Variants in CDH4 observed in about 807,000 individuals in gnomAD.
The protein encoded by CDH4 is cadherin-4.
CDH4 carries 33 observed loss-of-function variants against 86.0 expected under a neutral mutation model. The observed-to-expected ratio is 0.38, with a 90% CI of 0.29 to 0.51. The LOEUF (loss-of-function observed/expected upper bound fraction) is 0.51, where lower values mean the gene tolerates loss of function less well. Among genes scored for constraint, CDH4 ranks in the 20% least tolerant of loss-of-function variants. The pLI, the probability that CDH4 is intolerant of heterozygous loss-of-function variation, is 0.86. For missense variants in CDH4, 1,114 were observed against 1,307.4 expected, an observed-to-expected ratio of 0.85 and a Z score of 2.28; for synonymous variants, 555 against 549.4, an observed-to-expected ratio of 1.01 and a Z score of -0.14.
At chr20:61,861,729 C>T (rs1367300497) in intron 6 of CDH4, among the ~76,000 whole-genome samples, 7 of 152,156 alleles carry the variant, frequency 4.6e-5, no homozygotes, top group Non-Finnish European at 8.8e-5. Flanking sequence ...GTGGCTGCGG[C>T]GCCCCCAAGC....
chr20:61,654,307 C>T (rs1250614179), intron 2 of CDH4, among the ~76,000 whole-genome samples: 1 of 152,178 alleles, frequency 6.6e-6, no homozygotes, highest in Non-Finnish European at 1.5e-5. Flanking sequence ...CGCCTGCAAT[C>T]GCAAGCACTC....
intron 6 of CDH4, among the ~76,000 whole-genome samples, chr20:61,871,520 G>A (rs1455823597): frequency 6.6e-6 from 1 of 152,230 alleles, no homozygotes; most frequent in Non-Finnish European, 1.5e-5. Context: ...CGTGTGTTAG[G>A]ACTGTTTCTT....
chr20:61,271,400 C>T (rs911750508), intron 2 of CDH4, among the ~76,000 whole-genome samples: 7 of 152,228 alleles, frequency 4.6e-5, no homozygotes, highest in South Asian at 2.1e-4. Flanking sequence ...TTGACAATGG[C>T]GCTCCTTCTT....
chr20:61,670,923 G>A (rs780949653), intron 2 of CDH4, among the ~76,000 whole-genome samples: 2 of 152,192 alleles, frequency 1.3e-5, no homozygotes, highest in Non-Finnish European at 2.9e-5. Flanking sequence ...CCCCTAGGAG[G>A]TAAGACTGAG....
chr20:61,590,160 T>G (rs2145730680), intron 2 of CDH4, among the ~76,000 whole-genome samples: 3 of 73,442 alleles, frequency 4.1e-5, no homozygotes, highest in Non-Finnish European at 2.8e-5. Context: ...GAGATGGACG[T>G]GGAGGGATGG....
In CDH4 at chr20:61,402,554, G is replaced by A. The variant is rs184621106; in HGVS notation, c.169+147617G>A. On this transcript the variant is annotated intron_variant, in intron 2 of 15. Transcript: ENST00000614565. ...CTACAGGTGCACACCACCATGCCCT[G>A]CTAATTTTTGATTTTTAGTAGAGAT... Among the ~76,000 whole-genome samples the A allele has an allele frequency of 2.6e-5, 4 of 152,178 alleles. No homozygotes were observed. In the East Asian group the frequency reaches 7.7e-4, roughly 29 times the overall value.
At chr20:61,612,270 A>G (rs568783697) in intron 2 of CDH4, among the ~76,000 whole-genome samples, 6 of 152,132 alleles carry the variant, frequency 3.9e-5, no homozygotes, top group Non-Finnish European at 7.3e-5. Context: ...AAAATATACA[A>G]TACATCATTA....
rs2145721081 is a variant in CDH4, at chr20:61,582,873, A to G, written c.170-160690A>G. Among the ~76,000 whole-genome samples, 1 of 152,230 alleles carries G rather than the reference A, an allele frequency of 6.6e-6. No homozygotes were observed. The highest frequency in any genetic ancestry group is 1.9e-4 in the East Asian group (1 of 5,152). The stretch of plus-strand genomic sequence containing the variant: ...AGTTGTGCAGCCACCACCCCAGTCC[A>G]TTTTAGAATGTTTTCATCGCCTCAC... On this transcript the variant is annotated intron_variant, in intron 2 of 15. Coordinates refer to ENST00000614565, the MANE Select transcript of CDH4 (RefSeq NM_001794.5). The surrounding 1 kb of genome is among the most constrained non-coding windows in gnomAD (Gnocchi z 4.2).
chr20:61,736,649 G>A (rs1039159989), intron 2 of CDH4, among the ~76,000 whole-genome samples: 1 of 136,956 alleles, frequency 7.3e-6, no homozygotes, highest in African/African-American at 2.7e-5. Flanking sequence ...GAAGGAAGGA[G>A]AGAGAGAGAG....
chr20:61,749,488 A>C (rs1414488397), intron 3 of CDH4, among the ~76,000 whole-genome samples: 1 of 152,252 alleles, frequency 6.6e-6, no homozygotes, highest in African/African-American at 2.4e-5. Context: ...CCTTCAAGCA[A>C]TTCTCAACAT....
chr20:61,856,903 G>A (rs1372326073), intron 6 of CDH4, among the ~76,000 whole-genome samples: 1 of 152,224 alleles, frequency 6.6e-6, no homozygotes, highest in Non-Finnish European at 1.5e-5. Context: ...GTGTGGCAGC[G>A]CCCCTGGCTG....
chr20:61,637,275 G>A lies in CDH4; in HGVS notation c.170-106288G>A, dbSNP rs375432690. The stretch of plus-strand genomic sequence containing the variant: ...TGTCTGACTCTGCCGTTTATCACAC[G>A]GGTGTATCTGTTTAACCGTTCTTAG... On this transcript the variant is annotated intron_variant, in intron 2 of 15. Transcript: ENST00000614565. Among the ~76,000 whole-genome samples the A allele has an allele frequency of 3.0e-4, 45 of 152,316 alleles. No individual in the cohort carries two copies. The South Asian group carries it at 7.9e-3, about 27-fold the overall frequency.
At chr20:61,652,926 A>ATTTTTTTTTTTTTTTT (rs1430069868) in intron 2 of CDH4, among the ~76,000 whole-genome samples, 1 of 112,618 alleles carries the variant, frequency 8.9e-6, no homozygotes, top group African/African-American at 3.0e-5. Flanking sequence ...GAATTTATTT[A>ATTTTTTTTTTTTTTTT]TTTATTTATT....
At chr20:61,707,273 C>T (rs2087841885) in intron 2 of CDH4, among the ~76,000 whole-genome samples, 2 of 152,264 alleles carry the variant, frequency 1.3e-5, no homozygotes, top group Admixed American at 1.3e-4. Flanking sequence ...TGCATGGAGG[C>T]CCTCTGTCCA....
At chr20:61,362,321 G>C (rs767329854) in intron 2 of CDH4, among the ~76,000 whole-genome samples, 1 of 151,410 alleles carries the variant, frequency 6.6e-6, no homozygotes, top group African/African-American at 2.4e-5. Context: ...GAGCGGAGAC[G>C]TGGCCTAGGA....
At chr20:61,897,895 A>T (rs1051592249) in intron 8 of CDH4, among the ~76,000 whole-genome samples, 2 of 152,222 alleles carry the variant, frequency 1.3e-5, no homozygotes, top group African/African-American at 4.8e-5. Context: ...GGCACCTCCC[A>T]GTCTAACACA....
rs2146137055 is a variant in CDH4 at position 61,866,499 on chromosome 20, T to TCTGCC, written c.878-7229_878-7228insCTGCC. Reference sequence around the variant, plus strand: ...ATCACGATTAGGTACCATCATTATTTTAAAGTAGCTTTTGCACATTTGACA... The same window carrying TCTGCC: ...ATCACGATTAGGTACCATCATTATTTCTGCCTAAAGTAGCTTTTGCACATTTGACA... On this transcript the variant is annotated intron_variant, in intron 6 of 15. Transcript: ENST00000614565. Among the ~76,000 whole-genome samples, 6 of 152,310 alleles carry TCTGCC rather than the reference T, an allele frequency of 3.9e-5. No homozygotes were observed. In the East Asian group the frequency reaches 9.7e-4, roughly 25 times the overall value.
chr20:61,271,021 A>G (rs1157148727), intron 2 of CDH4, among the ~76,000 whole-genome samples: 1 of 152,084 alleles, frequency 6.6e-6, no homozygotes, highest in African/African-American at 2.4e-5. Flanking sequence ...TAAGCACAAT[A>G]TTCTCTAAAA....
chr20:61,688,193 AAC>A (rs2087610472), intron 2 of CDH4, among the ~76,000 whole-genome samples: 1 of 152,106 alleles, frequency 6.6e-6, no homozygotes, highest in South Asian at 2.1e-4. Flanking sequence ...CGTGACCAGA[AAC>A]ACCCTTCTTC....
Sources: allele counts gnomAD v4.1 joint callset (sites outside exome capture counted in the v4.1 genomes callset), GRCh38; gene constraint gnomAD v4.1.1; non-coding constraint Gnocchi (gnomAD v3.1); transcripts MANE v1.5; gene names NCBI Gene and HGNC (gene_info 2026-07-23, HGNC 2026-07-21).